BABAM2: variants seen among roughly 807,000 people sequenced by gnomAD.
The protein encoded by BABAM2 is BRISC and BRCA1-A complex member 2.
A neutral mutation model predicts 54.7 loss-of-function variants in BABAM2; 31 were observed. That is an observed-to-expected ratio of 0.57 (90% CI 0.43 to 0.77). The LOEUF (loss-of-function observed/expected upper bound fraction) is 0.77, where lower values mean the gene tolerates loss of function less well. Ranked by LOEUF, BABAM2 falls within the 30% of genes least tolerant of loss-of-function variation. The probability of loss-of-function intolerance (pLI) is 0.00; values close to 1 mark genes in which losing one functional copy is unlikely to be tolerated. For synonymous variants in BABAM2, 167 were observed against 162.9 expected (o/e 1.03, Z -0.19); for missense variants, 364 against 455.8 (o/e 0.80, Z 1.83).
intron 3 of BABAM2, among the ~76,000 whole-genome samples, chr2:27,978,146 C>T (rs1350550211): frequency 6.6e-6 from 1 of 152,024 alleles, no homozygotes; most frequent in East Asian, 1.9e-4. Context: ...GGGGTGGATC[C>T]CTCATGAATG....
At chr2:28,064,693 A>G (rs1679163023) in intron 6 of BABAM2, among the ~76,000 whole-genome samples, 1 of 152,194 alleles carries the variant, frequency 6.6e-6, no homozygotes, top group African/African-American at 2.4e-5. Context: ...CAGGCAATCC[A>G]TAATTGCAGT....
chr2:28,297,999 G>A (rs904974054), intron 10 of BABAM2, among the ~76,000 whole-genome samples: 2 of 152,164 alleles, frequency 1.3e-5, no homozygotes, highest in Non-Finnish European at 2.9e-5. Context: ...CCCGGGAAGT[G>A]CTAGAGAGGA....
At chr2:28,190,248 A>G (rs772037701) in intron 7 of BABAM2, among the ~76,000 whole-genome samples, 7 of 152,234 alleles carry the variant, frequency 4.6e-5, no homozygotes, top group Non-Finnish European at 1.0e-4. Flanking sequence ...CTTATAAAAA[A>G]CAGAACTTTA....
chr2:28,300,490 T>C (rs1026626605), intron 11 of BABAM2, among the ~76,000 whole-genome samples: 3 of 152,246 alleles, frequency 2.0e-5, no homozygotes, highest in Non-Finnish European at 4.4e-5. Flanking sequence ...TTATGAAGTA[T>C]GTTTTATGCT....
chr2:28,109,981 AACTTTCTC>A (rs1558344206), intron 6 of BABAM2, among the ~76,000 whole-genome samples: 1 of 152,152 alleles, frequency 6.6e-6, no homozygotes, highest in African/African-American at 2.4e-5. Flanking sequence ...CCGTTTCTGT[AACTTTCTC>A]ACTTTCTCAT....
intron 4 of BABAM2, among the ~76,000 whole-genome samples, chr2:28,022,954 AC>A (rs1675380070): frequency 6.6e-6 from 1 of 152,206 alleles, no homozygotes; most frequent in African/African-American, 2.4e-5. Context: ...AGTGGTTCAA[AC>A]CACAAATTAC....
chr2:28,108,671 C>T (rs959629531), intron 6 of BABAM2, among the ~76,000 whole-genome samples: 1 of 152,164 alleles, frequency 6.6e-6, no homozygotes, highest in Admixed American at 6.5e-5. Context: ...ATAATATGTT[C>T]TTCCTTTTAT....
In BABAM2 at chr2:27,988,172, T is replaced by G. The variant is rs769590619; in HGVS notation, c.300+85T>G. 706 of 1,283,646 alleles carry G rather than the reference T, an allele frequency of 5.5e-4. 6 individuals are homozygous for G. In the Middle Eastern group the frequency reaches 6.1e-3, roughly 11 times the overall value. The allele number at this position is 1,283,646 out of a possible 1,614,324, so 79.5% of individuals were successfully genotyped here. On this transcript the variant is annotated intron_variant, in intron 4 of 11. Coordinates refer to ENST00000379624, the MANE Select transcript of BABAM2 (RefSeq NM_199191.3). Reference sequence around the variant, plus strand: ...TTTCAGCAGTTGCTTAACAGATAGATTTGTCACACATCTGCATTTTTTTCC... The same window carrying G: ...TTTCAGCAGTTGCTTAACAGATAGAGTTGTCACACATCTGCATTTTTTTCC...
At chr2:28,048,492 G>GA (rs1677764596) in intron 6 of BABAM2, among the ~76,000 whole-genome samples, 1 of 152,146 alleles carries the variant, frequency 6.6e-6, no homozygotes, top group South Asian at 2.1e-4. Context: ...ACATAAACAC[G>GA]AAAAATATTT....
At position 28,131,487 on chromosome 2, in the gene BABAM2, C is replaced by G. The variant is rs151042849; in HGVS notation, c.680+2107C>G. ...GGCAAGGGCTCTGAGTCAAGCAGAT[C>G]TAGTTTAAACCTGGTTCCTGCCACT... On this transcript the variant is annotated intron_variant, in intron 7 of 11. Coordinates refer to ENST00000379624, the MANE Select transcript of BABAM2 (RefSeq NM_199191.3). Among the ~76,000 whole-genome samples the G allele has an allele frequency of 5.9e-5, 9 of 152,280 alleles. No homozygotes were observed. In the East Asian group the frequency reaches 1.7e-3, roughly 29 times the overall value.
intron 10 of BABAM2, among the ~76,000 whole-genome samples, chr2:28,281,683 G>A (rs1412512616): frequency 1.3e-5 from 2 of 152,226 alleles, no homozygotes; most frequent in East Asian, 3.8e-4. Flanking sequence ...GAACATTCTA[G>A]TGGCATCAGA....
intron 7 of BABAM2, among the ~76,000 whole-genome samples, chr2:28,151,143 T>C (rs1359425176): frequency 6.6e-6 from 1 of 152,200 alleles, no homozygotes; most frequent in Non-Finnish European, 1.5e-5. Flanking sequence ...AAAGTAAACA[T>C]ATATGAGGTT....
intron 11 of BABAM2, among the ~76,000 whole-genome samples, chr2:28,303,527 G>A (rs374074383): frequency 3.2e-4 from 48 of 152,268 alleles, no homozygotes; most frequent in Admixed American, 7.2e-4. Flanking sequence ...ACTCTATTCT[G>A]TTCCATTGAT....
intron 5 of BABAM2, among the ~76,000 whole-genome samples, chr2:28,027,437 G>C (rs1344710392): frequency 6.6e-6 from 1 of 152,180 alleles, no homozygotes; most frequent in Non-Finnish European, 1.5e-5. Context: ...CATCACCCCA[G>C]TGAGATCCCT....
chr2:28,284,731 T>A (rs1686651848), intron 10 of BABAM2, among the ~76,000 whole-genome samples: 1 of 152,208 alleles, frequency 6.6e-6, no homozygotes, highest in Admixed American at 6.5e-5. Flanking sequence ...AAAGCTTAGT[T>A]TTCAACTTGT....
intron 10 of BABAM2, among the ~76,000 whole-genome samples, chr2:28,277,921 AC>A (rs1278987294): frequency 6.6e-6 from 1 of 152,124 alleles, no homozygotes; most frequent in Non-Finnish European, 1.5e-5. Context: ...ATGTGTAGAA[AC>A]CCCCTCAGAA....
intron 7 of BABAM2, among the ~76,000 whole-genome samples, chr2:28,220,231 C>T (rs1573869676): frequency 6.6e-6 from 1 of 152,116 alleles, no homozygotes; most frequent in Non-Finnish European, 1.5e-5. Context: ...GTCCTGTGTC[C>T]GTCATTTACT....
intron 2 of BABAM2, among the ~76,000 whole-genome samples, chr2:27,929,472 T>C (rs1214304142): frequency 6.6e-6 from 1 of 152,220 alleles, no homozygotes; most frequent in Admixed American, 6.5e-5. Flanking sequence ...TAAAATATGA[T>C]CATAAAACTA....
At chr2:27,923,436 C>A (rs920095822) in intron 2 of BABAM2, among the ~76,000 whole-genome samples, 4 of 148,702 alleles carry the variant, frequency 2.7e-5, no homozygotes, top group Non-Finnish European at 6.0e-5. Flanking sequence ...CTGGGCAAAG[C>A]CCTGAGACCC....
Sources: gnomAD v4.1 joint callset for allele counts (sites outside exome capture counted in the v4.1 genomes callset) on GRCh38, gnomAD v4.1.1 for gene constraint, MANE v1.5 for transcripts, NCBI Gene and HGNC (gene_info 2026-07-23, HGNC 2026-07-21) for gene names.